ABLIM1: variants seen among roughly 807,000 people sequenced by gnomAD.
ABLIM1 encodes actin-binding LIM protein 1.
A neutral mutation model predicts 107.0 loss-of-function variants in ABLIM1; 40 were observed. That is an observed-to-expected ratio of 0.37 (90% CI 0.29 to 0.49). The LOEUF (loss-of-function observed/expected upper bound fraction) is 0.49. Among genes scored for constraint, ABLIM1 ranks in the 20% least tolerant of loss-of-function variants. ABLIM1 has a pLI of 0.97. For synonymous variants in ABLIM1, 357 were observed against 357.3 expected (o/e 1.00, Z 0.01); for missense variants, 857 against 1,008.5 (o/e 0.85, Z 2.04).
In ABLIM1 at chr10:114,435,103, C is replaced by T. The variant is rs2059240931; in HGVS notation, c.*1157G>A. 6.6e-6 allele frequency: 1 copy of T among 152,178 alleles called. No individual in the cohort carries two copies. The highest frequency in any genetic ancestry group is 1.5e-5 in the Non-Finnish European group (1 of 68,038). 9.4% of individuals were successfully genotyped at this position (152,178 alleles called of 1,614,324 possible). ...AGTGAAACCAACATGTGCACACACA[C>T]CCATGAATTCGACAGAGCTGGGCAA... On this transcript the variant is annotated 3_prime_UTR_variant, in exon 23 of 23. Transcript: ENST00000533213.
In ABLIM1 at chr10:114,468,403, TA is replaced by T. The variant is rs2065676047; in HGVS notation, c.1276-188del. 14 of 512,772 alleles carry T rather than the reference TA, an allele frequency of 2.7e-5. No individual in the cohort carries two copies. The South Asian group carries it at 2.8e-4, about 10-fold the overall frequency. The allele number at this position is 512,772 out of a possible 1,614,324, so 31.8% of individuals were successfully genotyped here. ...GATTCTCCTGCCTCAGCCTCCCAAG[TA>T]GCTGGGACTACAGGCGCCGCCACCA... On this transcript the variant is annotated intron_variant, in intron 10 of 22. Transcript: ENST00000533213.
At chr10:114,522,925 T>A (rs887450962) in intron 6 of ABLIM1, among the ~76,000 whole-genome samples, 1 of 151,988 alleles carries the variant, frequency 6.6e-6, no homozygotes, top group Admixed American at 6.6e-5. Context: ...CTGAAGCGGG[T>A]GGATCACTTG....
intron 1 of ABLIM1, chr10:114,613,795 T>A (rs1427401702): frequency 7.9e-7 from 1 of 1,258,368 alleles, no homozygotes; most frequent in Non-Finnish European, 1.0e-6. Flanking sequence ...GGCTCCTGAC[T>A]CCTCCCAGAC....
chr10:114,762,190 G>A (rs1318261919), intron 1 of ABLIM1, among the ~76,000 whole-genome samples: 3 of 152,054 alleles, frequency 2.0e-5, no homozygotes, highest in Admixed American at 1.3e-4. Flanking sequence ...CCGCCACCAC[G>A]CCCAGCTAAT....
At chr10:114,493,830 A>G (rs959030114) in intron 6 of ABLIM1, among the ~76,000 whole-genome samples, 55 of 152,260 alleles carry the variant, frequency 3.6e-4, no homozygotes, top group African/African-American at 1.3e-3. Context: ...TGATTTATCA[A>G]AAATGAACCT....
At chr10:114,720,928 C>A (rs988256408) in intron 1 of ABLIM1, among the ~76,000 whole-genome samples, 2 of 152,136 alleles carry the variant, frequency 1.3e-5, no homozygotes, top group Non-Finnish European at 2.9e-5. Flanking sequence ...AAGTTATTCC[C>A]AGCAGTGGCT....
At chr10:114,777,039 G>A in the ABLIM1 span, among the ~76,000 whole-genome samples, 44 of 151,958 alleles carry the variant, frequency 2.9e-4, no homozygotes, top group African/African-American at 4.6e-4. Flanking sequence ...TTTCTGCCCC[G>A]TTCTCTATCC....
intron 1 of ABLIM1, among the ~76,000 whole-genome samples, chr10:114,727,605 C>T (rs796579452): frequency 9.2e-5 from 14 of 152,184 alleles, no homozygotes; most frequent in African/African-American, 2.2e-4. Context: ...ATTTCTTAAA[C>T]GGGTCAAAAA....
At chr10:114,579,539 A>G (rs988555266) in intron 2 of ABLIM1, among the ~76,000 whole-genome samples, 23 of 152,208 alleles carry the variant, frequency 1.5e-4, no homozygotes, top group Non-Finnish European at 4.4e-5. Flanking sequence ...TTTTTTCTTC[A>G]TATACCCACT....
intron 12 of ABLIM1, among the ~76,000 whole-genome samples, chr10:114,461,071 G>GT (rs199573285): frequency 0.028 from 4,048 of 147,074 alleles, 91 homozygotes; most frequent in African/African-American, 0.057. Context: ...TCTTTCTTTT[G>GT]TTTTTTTTTT....
chr10:114,536,827 T>C (rs1016341999), intron 6 of ABLIM1, among the ~76,000 whole-genome samples: 5 of 152,146 alleles, frequency 3.3e-5, no homozygotes, highest in African/African-American at 1.2e-4. Flanking sequence ...GAAGAAAATA[T>C]GCTCTCAAAC....
chr10:114,781,610 ATG>A, the ABLIM1 span, among the ~76,000 whole-genome samples: 12 of 150,066 alleles, frequency 8.0e-5, no homozygotes, highest in Admixed American at 2.0e-4. Flanking sequence ...ATATGTATAT[ATG>A]TGTGTGTATA....
At chr10:114,620,239 T>C (rs2077381739) in intron 1 of ABLIM1, among the ~76,000 whole-genome samples, 2 of 152,210 alleles carry the variant, frequency 1.3e-5, no homozygotes, top group Admixed American at 1.3e-4. Context: ...TTGCTTCATG[T>C]GAGTTTTATT....
chr10:114,686,504 C>G (rs2080939645), upstream of ABLIM1, among the ~76,000 whole-genome samples: 1 of 148,860 alleles, frequency 6.7e-6, no homozygotes, highest in African/African-American at 2.4e-5. Flanking sequence ...CAGGGTGAGA[C>G]CCCGTCTCAA....
chr10:114,718,707 T>C (rs1370017185), intron 1 of ABLIM1, among the ~76,000 whole-genome samples: 1 of 152,194 alleles, frequency 6.6e-6, no homozygotes, highest in Non-Finnish European at 1.5e-5. Context: ...AAATTCATTT[T>C]TTGCATTGAA....
intron 2 of ABLIM1, among the ~76,000 whole-genome samples, chr10:114,589,067 T>A (rs550484569): frequency 6.6e-6 from 1 of 152,280 alleles, no homozygotes; most frequent in African/African-American, 2.4e-5. Context: ...AATGTGTACA[T>A]TTATGTTTTA....
In ABLIM1 at chr10:114,619,717, A is replaced by G. The variant is rs926026434; in HGVS notation, c.245-17756T>C. Reference sequence around the variant, plus strand: ...ACACAAAGAGGAGAGGCAGACTCATAGGGAAAAGTGATCCCAACTGAAAAA... The same window carrying G: ...ACACAAAGAGGAGAGGCAGACTCATGGGGAAAAGTGATCCCAACTGAAAAA... On this transcript the variant is annotated intron_variant, in intron 1 of 22. Coordinates refer to ENST00000533213, the MANE Select transcript of ABLIM1 (RefSeq NM_002313.7). The surrounding 1 kb of genome is among the most constrained non-coding windows in gnomAD (Gnocchi z 4.1). 2.6e-5 allele frequency among the ~76,000 whole-genome samples: 4 copies of G among 152,220 alleles called. No homozygotes were observed. Among genetic ancestry groups the G allele is most frequent in the Admixed American group, 2.6e-4 (4 of 15,282 alleles).
intron 1 of ABLIM1, among the ~76,000 whole-genome samples, chr10:114,761,001 T>C (rs1362591927): frequency 2.6e-5 from 4 of 152,198 alleles, no homozygotes; most frequent in Admixed American, 1.3e-4. Context: ...TTGGGAGCCC[T>C]GTAACTCAAA....
intron 1 of ABLIM1, among the ~76,000 whole-genome samples, chr10:114,766,555 G>A (rs2082899082): frequency 6.6e-6 from 1 of 152,080 alleles, no homozygotes; most frequent in South Asian, 2.1e-4. Context: ...TTGTGTGACG[G>A]CCTAACAAAC....
Sources: allele counts gnomAD v4.1 joint callset (sites outside exome capture counted in the v4.1 genomes callset), GRCh38; gene constraint gnomAD v4.1.1; non-coding constraint Gnocchi (gnomAD v3.1); transcripts MANE v1.5; gene names NCBI Gene and HGNC (gene_info 2026-07-23, HGNC 2026-07-21).